Variants in GAS7 observed in about 807,000 individuals in gnomAD.
GAS7 encodes growth arrest specific 7.
A neutral mutation model predicts 71.1 loss-of-function variants in GAS7; 28 were observed. The observed-to-expected ratio is 0.39, with a 90% CI of 0.29 to 0.54. The LOEUF (loss-of-function observed/expected upper bound fraction) is 0.54, where lower values mean the gene tolerates loss of function less well. Ranked by LOEUF, GAS7 falls within the 20% of genes least tolerant of loss-of-function variation. The pLI, the probability that GAS7 is intolerant of heterozygous loss-of-function variation, is 0.62. For missense variants in GAS7, 436 were observed against 627.8 expected (o/e 0.69, Z 3.27); for synonymous variants, 258 against 245.8 (o/e 1.05, Z -0.46).
intron 2 of GAS7, among the ~76,000 whole-genome samples, chr17:9,992,437 C>A (rs77728770): frequency 0.017 from 2,583 of 152,142 alleles, 30 homozygotes; most frequent in Non-Finnish European, 0.026. Context: ...GGCACAAAAG[C>A]AGTGAGTGCT....
intron 2 of GAS7, among the ~76,000 whole-genome samples, chr17:9,989,539 A>G (rs8070490): frequency 0.41 from 62,297 of 152,018 alleles, 14,314 homozygotes; most frequent in African/African-American, 0.62. Flanking sequence ...AAAATTTTCC[A>G]TAAGTGAAAA....
At chr17:10,005,326 T>TACACACACAC (rs543450625) in intron 2 of GAS7, among the ~76,000 whole-genome samples, 33 of 150,498 alleles carry the variant, frequency 2.2e-4, no homozygotes, top group African/African-American at 6.9e-4. Flanking sequence ...CACATATATA[T>TACACACACAC]ATACACACAC....
intron 1 of GAS7, among the ~76,000 whole-genome samples, chr17:10,195,414 C>T (rs2074533892): frequency 6.6e-6 from 1 of 152,146 alleles, no homozygotes; most frequent in South Asian, 2.1e-4. Context: ...TGCCTCCCTC[C>T]CCTCCACCAA....
At chr17:10,090,568 T>A (rs576875986) in intron 1 of GAS7, among the ~76,000 whole-genome samples, 1 of 152,232 alleles carries the variant, frequency 6.6e-6, no homozygotes, top group Non-Finnish European at 1.5e-5. Context: ...TCTTTCAAAC[T>A]CCATCATGCT....
rs5819261 is a variant in GAS7 at position 10,045,040 on chromosome 17, C to CAAAA, written c.184-25147_184-25144dup. On this transcript the variant is annotated intron_variant, in intron 1 of 13. Transcript: ENST00000432992. ...CGGGCGACAGAGCGAGACTCCATCTCAAAAAAAAAAAAAAAAAAAAGTGTC... is the reference window on the plus strand; with the variant it reads ...CGGGCGACAGAGCGAGACTCCATCTCAAAAAAAAAAAAAAAAAAAAAAAAGTGTC... 2.1e-4 allele frequency among the ~76,000 whole-genome samples: 17 copies of CAAAA among 82,152 alleles called. 1 individual carries two copies. Among genetic ancestry groups the CAAAA allele is most frequent in the Non-Finnish European group, 3.0e-4 (12 of 40,224 alleles). 53.9% of individuals were successfully genotyped at this position (82,152 alleles called of 152,430 possible). A position where few individuals can be genotyped will look rare whatever the true frequency, so the allele number is the denominator to read the frequency against.
At chr17:9,989,686 G>A (rs7215805) in intron 2 of GAS7, among the ~76,000 whole-genome samples, 62,361 of 152,014 alleles carry the variant, frequency 0.41, 14,332 homozygotes, top group African/African-American at 0.62. Flanking sequence ...TTATGAGAAC[G>A]AAGCTGTAAT....
intron 2 of GAS7, among the ~76,000 whole-genome samples, chr17:10,011,814 T>TA (rs2152190799): frequency 6.6e-6 from 1 of 152,158 alleles, no homozygotes; most frequent in African/African-American, 2.4e-5. Context: ...CCGTCTCTAC[T>TA]AAAAATACAA....
intron 1 of GAS7, among the ~76,000 whole-genome samples, chr17:10,089,989 G>A (rs1344013109): frequency 6.6e-6 from 1 of 152,066 alleles, no homozygotes; most frequent in Non-Finnish European, 1.5e-5. Context: ...CCAACATGGT[G>A]AAACCCTGCC....
intron 2 of GAS7, among the ~76,000 whole-genome samples, chr17:10,012,357 G>T (rs376683619): frequency 6.6e-6 from 1 of 152,100 alleles, no homozygotes; most frequent in Non-Finnish European, 1.5e-5. Context: ...GTGTGATTTC[G>T]GTTCATTGCA....
intron 1 of GAS7, among the ~76,000 whole-genome samples, chr17:10,110,748 A>G (rs936711888): frequency 6.6e-6 from 1 of 152,228 alleles, no homozygotes; most frequent in African/African-American, 2.4e-5. Context: ...CTGGGATTAC[A>G]GGCATGAGCC....
intron 1 of GAS7, among the ~76,000 whole-genome samples, chr17:10,165,415 G>T (rs1329835199): frequency 2.0e-5 from 3 of 152,160 alleles, no homozygotes; most frequent in African/African-American, 7.2e-5. Context: ...TGCTGCTATG[G>T]GAGCTTTTGT....
At chr17:10,002,775 G>A (rs2071318233) in intron 2 of GAS7, among the ~76,000 whole-genome samples, 1 of 152,168 alleles carries the variant, frequency 6.6e-6, no homozygotes, top group Admixed American at 6.5e-5. Flanking sequence ...ATTCCATGGT[G>A]TATATGTGCC....
Position 10,026,393 on chromosome 17 carries a change from T to A in GAS7, c.184-6496A>T. The A allele has an allele frequency of 1.6e-6, 1 of 612,902 alleles. No individual in the cohort carries two copies. The highest frequency in any genetic ancestry group is 2.0e-6 in the Non-Finnish European group (1 of 488,944). The allele number at this position is 612,902 out of a possible 1,614,324, so 38.0% of individuals were successfully genotyped here. ...GTTGTCAGCCTAACGAGCCACTTTCTGGCAGACCCGTTGCTATGGCAATGC... is the reference window on the plus strand; with the variant it reads ...GTTGTCAGCCTAACGAGCCACTTTCAGGCAGACCCGTTGCTATGGCAATGC... On this transcript the variant is annotated intron_variant, in intron 1 of 13. Transcript: ENST00000432992. The surrounding 1 kb of genome is among the most constrained non-coding windows in gnomAD (Gnocchi z 4.5).
In GAS7 at chr17:9,925,614, CACGGA is replaced by C. The variant is rs779038156; in HGVS notation, c.1015-20_1015-16del. 1 of 1,614,054 alleles carries C rather than the reference CACGGA, an allele frequency of 6.2e-7. No individual in the cohort carries two copies. The highest frequency in any genetic ancestry group is 2.2e-5 in the East Asian group (1 of 44,872). ...GCTTTCCGGGCCTGGGGTCCAAGGA[CACGGA>C]GAAGCTGCTCATACAGCTCGGAGCC... On this transcript the variant is annotated splice_polypyrimidine_tract_variant and intron_variant, in intron 10 of 13. Transcript: ENST00000432992.
intron 1 of GAS7, among the ~76,000 whole-genome samples, chr17:10,194,443 T>C (rs2074525218): frequency 1.3e-5 from 2 of 152,326 alleles, no homozygotes; most frequent in Non-Finnish European, 1.5e-5. Context: ...TGGTACCATG[T>C]CTTTCTCTCC....
At chr17:9,970,424 G>C (rs1282352847) in intron 3 of GAS7, among the ~76,000 whole-genome samples, 1 of 152,162 alleles carries the variant, frequency 6.6e-6, no homozygotes, top group Non-Finnish European at 1.5e-5. Context: ...GAGGTCAGGA[G>C]TTTGAGACCA....
chr17:10,134,901 C>T (rs566103983), intron 1 of GAS7, among the ~76,000 whole-genome samples: 2 of 151,674 alleles, frequency 1.3e-5, no homozygotes, highest in South Asian at 2.1e-4. Context: ...GGTACAATCT[C>T]GGCTCACTGT....
rs536326451 is a variant in GAS7 at position 10,072,660 on chromosome 17, C to T, written c.184-52763G>A. Among the ~76,000 whole-genome samples the T allele has an allele frequency of 2.0e-5, 3 of 152,282 alleles. No homozygotes were observed. In the East Asian group the frequency reaches 5.8e-4, roughly 29 times the overall value. On this transcript the variant is annotated intron_variant, in intron 1 of 13. Coordinates refer to ENST00000432992, the MANE Select transcript of GAS7 (RefSeq NM_201433.2). Reference sequence around the variant, plus strand: ...TGGTTCCATCCCTCTCTGATAGAAGCATCTATCTGTCCACAACCCTACCCC... The same window carrying T: ...TGGTTCCATCCCTCTCTGATAGAAGTATCTATCTGTCCACAACCCTACCCC...
intron 1 of GAS7, among the ~76,000 whole-genome samples, chr17:10,128,574 T>C (rs1186885185): frequency 6.6e-6 from 1 of 151,914 alleles, no homozygotes; most frequent in Non-Finnish European, 1.5e-5. Context: ...TGCAACAACA[T>C]CCCTTGCCTG....
Sources: allele counts gnomAD v4.1 joint callset (sites outside exome capture counted in the v4.1 genomes callset), GRCh38; gene constraint gnomAD v4.1.1; non-coding constraint Gnocchi (gnomAD v3.1); transcripts MANE v1.5; gene names NCBI Gene and HGNC (gene_info 2026-07-23, HGNC 2026-07-21).